Variants in ADGRF4 observed in about 807,000 individuals in gnomAD.
ADGRF4 encodes the protein adhesion G protein-coupled receptor F4.
In ADGRF4, 63 loss-of-function variants were observed where a neutral mutation model predicts 58.5. That is an observed-to-expected ratio of 1.08 (90% confidence interval 0.88 to 1.33). The LOEUF (loss-of-function observed/expected upper bound fraction) is 1.33, where lower values mean the gene tolerates loss of function less well. Among genes scored for constraint, ADGRF4 ranks in the 40% most tolerant of loss-of-function variants. The pLI is 0.00. For synonymous variants in ADGRF4, 313 were observed against 295.4 expected (o/e 1.06, Z -0.61); for missense variants, 931 against 843.9 (o/e 1.10, Z -1.28).
chr6:47,711,878 A>G (rs1398170458), intron 4 of ADGRF4, among the ~76,000 whole-genome samples: 1 of 129,050 alleles, frequency 7.7e-6, no homozygotes, highest in Admixed American at 7.6e-5. Context: ...AAGGAAATAA[A>G]TAATTGCTTT....
rs71305748 is a variant in ADGRF4 at position 47,709,849 on chromosome 6, G to GT, written c.149-876dup. ...CTTTCCTAGTCTACGTAGCATCACA[G>GT]TTTTTTTTTTGTATTTTTGTGCTTT... On this transcript the variant is annotated intron_variant, in intron 3 of 9. Transcript: ENST00000283303. Among the ~76,000 whole-genome samples, 213 of 147,584 alleles carry GT rather than the reference G, an allele frequency of 1.4e-3. 2 individuals are homozygous for GT. Among genetic ancestry groups the GT allele is most frequent in the Middle Eastern group, 7.0e-3 (2 of 284 alleles).
intron 5 of ADGRF4, among the ~76,000 whole-genome samples, chr6:47,713,223 C>T (rs184510646): frequency 1.7e-3 from 261 of 152,148 alleles, no homozygotes; most frequent in African/African-American, 6.1e-3. Flanking sequence ...AGCTAGTACC[C>T]GGTGCCAAAA....
chr6:47,718,887 C>A (rs945093658), intron 9 of ADGRF4, among the ~76,000 whole-genome samples: 8 of 152,058 alleles, frequency 5.3e-5, no homozygotes, highest in Non-Finnish European at 1.0e-4. Flanking sequence ...ATAGCCAACC[C>A]CTGAGACATA....
chr6:47,716,642 T>A (rs551858071), intron 6 of ADGRF4, among the ~76,000 whole-genome samples, 164 bp from the exon 7 acceptor site: 1 of 152,316 alleles, frequency 6.6e-6, no homozygotes, highest in South Asian at 2.1e-4. Context: ...GGGGGCAGAC[T>A]CAAAGGAACA....
chr6:47,712,656 A>G, intron 5 of ADGRF4, 48 bp downstream of exon 5: 1 of 1,428,570 alleles, frequency 7.0e-7, no homozygotes, highest in Non-Finnish European at 9.7e-7. Context: ...TAAAATTTTC[A>G]TTTGAATAGT....
At chr6:47,718,562 A>G (rs770503511) in intron 9 of ADGRF4, 117 bp downstream of exon 9, 2 of 712,326 alleles carry the variant, frequency 2.8e-6, no homozygotes, top group Non-Finnish European at 2.6e-6. Flanking sequence ...GGAGGGGAAG[A>G]GGGGGACATC....
rs879046370 is a variant in ADGRF4, at chr6:47,710,629, C to G, written c.149-106C>G. The G allele has an allele frequency of 5.1e-6, 6 of 1,183,146 alleles. No individual in the cohort carries two copies. In the South Asian group the frequency reaches 9.2e-5, roughly 18 times the overall value. The allele number at this position is 1,183,146 out of a possible 1,614,324, so 73.3% of individuals were successfully genotyped here. ...CCCAGTTCAACCCAATTGCCTCCTC[C>G]AGGAAGCAATCCAAAAATCTCCAGA... On this transcript the variant is annotated intron_variant, in intron 3 of 9. Transcript: ENST00000283303.
At position 47,713,848 on chromosome 6, in the gene ADGRF4, C is replaced by T. The variant is rs2113904335; in HGVS notation, c.603C>T (p.Asn201=). Residue 201 remains asparagine, a synonymous_variant, in exon 6 of 10, where the codon AAC becomes AAT. Transcript: ENST00000283303. ...TCCTCGACACAGCAGCCATTTCAAA[C>T]TGGGCTTTCATTCCCAACAAAAATG... ...NHILDTAAIS[N]WAFIPNKNAS... The T allele has an allele frequency of 6.3e-7, 1 of 1,590,188 alleles. No homozygotes were observed. The highest frequency in any genetic ancestry group is 1.7e-4 in the Middle Eastern group (1 of 5,924).
chr6:47,704,704 AAATAG>A (rs1482227752), intron 1 of ADGRF4, among the ~76,000 whole-genome samples: 1 of 152,186 alleles, frequency 6.6e-6, no homozygotes, highest in Non-Finnish European at 1.5e-5. Context: ...AGAGAATGTC[AAATAG>A]AATAGAGAAG....
At position 47,715,128 on chromosome 6, in the gene ADGRF4, G is replaced by A; in HGVS notation, c.1883G>A (p.Gly628Asp). 3 of 1,600,712 alleles carry A rather than the reference G, an allele frequency of 1.9e-6. No homozygotes were observed. The highest frequency in any genetic ancestry group is 2.6e-6 in the Non-Finnish European group (3 of 1,168,838). The change falls in exon 6 of 10, where the codon GGC becomes GAC. Residue 628 changes from glycine to aspartate, a missense_variant. By Grantham distance (94) the Gly-to-Asp change is moderately conservative. Coordinates refer to ENST00000283303, the MANE Select transcript of ADGRF4 (RefSeq NM_153838.5). ...TTTGGAATAGCCACTCTCATAGAAG[G>A]CACTTCCTTGACGTTCCATATAATT... ...WGFGIATLIE[G>D]TSLTFHIIFA...
intron 7 of ADGRF4, 36 bp from the exon 8 acceptor site, chr6:47,717,256 T>A (rs1307911757): frequency 6.9e-7 from 1 of 1,458,640 alleles, no homozygotes; most frequent in African/African-American, 1.4e-5. Context: ...TCTTCCAACA[T>A]CTGTGAGGTA....
At position 47,714,391 on chromosome 6, in the gene ADGRF4, T is replaced by G; in HGVS notation, c.1146T>G (p.Ser382Arg). 6.2e-7 allele frequency: 1 copy of G among 1,614,156 alleles called. No individual in the cohort carries two copies. Among genetic ancestry groups the G allele is most frequent in the Non-Finnish European group, 8.5e-7 (1 of 1,180,024 alleles). The stretch of plus-strand genomic sequence containing the variant: ...TGAAATGCCGCTGTAACTACACCAG[T>G]GTGGTGATGTCTTTTTCCATTCTCA... ...NEVKCRCNYT[S>R]VVMSFSILMS... is the part of the protein sequence containing the mutation. Residue 382 changes from serine to arginine, a missense_variant, in exon 6 of 10, where the codon AGT becomes AGG. Transcript: ENST00000283303.
chr6:47,713,977 G>T lies in ADGRF4; in HGVS notation c.732G>T (p.Gly244=), dbSNP rs761064699. ...IVNELFIQTK[G]FHINHNTSEK... Reference sequence around the variant, plus strand: ...ATGAACTCTTCATTCAGACAAAAGGGTTTCACATCAACCATAATACCTCAG... The same window carrying T: ...ATGAACTCTTCATTCAGACAAAAGGTTTTCACATCAACCATAATACCTCAG... Residue 244 remains glycine, a synonymous_variant, in exon 6 of 10, where the codon GGG becomes GGT. Transcript: ENST00000283303. 2 of 1,604,826 alleles carry T rather than the reference G, an allele frequency of 1.2e-6. No individual in the cohort carries two copies. The highest frequency in any genetic ancestry group is 8.5e-7 in the Non-Finnish European group (1 of 1,175,418).
At chr6:47,717,454 G>A in intron 8 of ADGRF4, 103 bp downstream of exon 8, 2 of 794,278 alleles carry the variant, frequency 2.5e-6, no homozygotes, top group South Asian at 1.4e-5. Context: ...TGGGCAAAGA[G>A]GATCAATAAA....
rs1178459999 is a variant in ADGRF4 at position 47,712,556 on chromosome 6, TA to T, written c.506del (p.Asn169IlefsTer15). On this transcript the variant is annotated frameshift_variant, in exon 5 of 10. Transcript: ENST00000283303. LOFTEE classifies it high-confidence loss of function. ...SGNIAFIVELLKNISTDLSDN... is the reference protein window; with the variant it reads ...SGNIAFIVELXKNISTDLSDN... The stretch of plus-strand genomic sequence containing the variant: ...AATATTGCATTTATAGTGGAGTTAT[TA>T]AAAAATATTTCTACAGACTTGTCTG... 45 of 1,598,444 alleles carry T rather than the reference TA, an allele frequency of 2.8e-5. No individual in the cohort carries two copies. The highest frequency in any genetic ancestry group is 3.8e-5 in the Non-Finnish European group (44 of 1,165,764).
intron 4 of ADGRF4, among the ~76,000 whole-genome samples, chr6:47,711,995 A>G (rs1771883255): frequency 6.6e-6 from 1 of 152,238 alleles, no homozygotes; most frequent in Admixed American, 6.5e-5. Flanking sequence ...GTCATTCCTT[A>G]GCATTCTGTG....
chr6:47,705,168 C>CT (rs1358077917), intron 1 of ADGRF4, among the ~76,000 whole-genome samples: 1 of 152,190 alleles, frequency 6.6e-6, no homozygotes, highest in African/African-American at 2.4e-5. Context: ...ACCTCGTGAT[C>CT]TGCCCACCTC....
In ADGRF4 at chr6:47,715,076, A is replaced by G. The variant is rs747396025; in HGVS notation, c.1831A>G (p.Thr611Ala). ...MRISKNVAIL[T>A]PLLGLTWGFG... The stretch of plus-strand genomic sequence containing the variant: ...GATCAGCAAAAATGTTGCCATCCTC[A>G]CTCCACTGCTGGGACTGACCTGGGG... The change falls in exon 6 of 10, where the codon ACT becomes GCT. Residue 611 changes from threonine to alanine, a missense_variant. Thr to Ala is a moderately conservative substitution (Grantham distance 58). Coordinates refer to ENST00000283303, the MANE Select transcript of ADGRF4 (RefSeq NM_153838.5). 4.3e-6 allele frequency: 7 copies of G among 1,612,784 alleles called. No individual in the cohort carries two copies. In the African/African-American group the frequency reaches 9.4e-5, roughly 22 times the overall value.
At chr6:47,707,562 G>T (rs1418634040) in intron 2 of ADGRF4, among the ~76,000 whole-genome samples, 1 of 152,194 alleles carries the variant, frequency 6.6e-6, no homozygotes, top group Non-Finnish European at 1.5e-5. Flanking sequence ...GCTGCAATGG[G>T]AAATGTAGAT....
Sources: gnomAD v4.1 joint callset for allele counts (sites outside exome capture counted in the v4.1 genomes callset) on GRCh38, gnomAD v4.1.1 for gene constraint, MANE v1.5 for transcripts, NCBI Gene and HGNC (gene_info 2026-07-23, HGNC 2026-07-21) for gene names.